The following CDCA2 variants were observed in gnomAD, a reference collection of about 807,000 sequenced individuals.
CDCA2 encodes the protein cell division cycle-associated protein 2.
CDCA2 carries 44 observed loss-of-function variants against 67.0 expected under a neutral mutation model. That is an observed-to-expected ratio of 0.66 (90% confidence interval 0.52 to 0.84). CDCA2 has a LOEUF of 0.84. CDCA2 is among the 40% of genes least tolerant of loss of function. The pLI, the probability that CDCA2 is intolerant of heterozygous loss-of-function variation, is 0.00. For synonymous variants in CDCA2, 447 were observed against 418.7 expected, an observed-to-expected ratio of 1.07 and a Z score of -0.82; for missense variants, 1,253 against 1,203.2, an observed-to-expected ratio of 1.04 and a Z score of -0.61.
intron 7 of CDCA2, among the ~76,000 whole-genome samples, chr8:25,479,402 G>A (rs1322750447): frequency 1.3e-5 from 2 of 152,176 alleles, no homozygotes; most frequent in Non-Finnish European, 2.9e-5. Context: ...TCTCCTGTGG[G>A]AAGAATTTGG....
intron 4 of CDCA2, among the ~76,000 whole-genome samples, chr8:25,465,473 T>A (rs528797202): frequency 7.7e-4 from 118 of 152,318 alleles, no homozygotes; most frequent in African/African-American, 2.7e-3. Flanking sequence ...TACTTGTCTT[T>A]AACTGGCACT....
chr8:25,497,015 C>T (rs896412335), intron 13 of CDCA2, among the ~76,000 whole-genome samples: 22 of 152,020 alleles, frequency 1.4e-4, no homozygotes, highest in African/African-American at 4.8e-4. Flanking sequence ...AAAAAACTCA[C>T]TGGCCCTAAG....
At position 25,484,017 on chromosome 8, in the gene CDCA2, A is replaced by G. The variant is rs1803668034; in HGVS notation, c.1172A>G (p.Lys391Arg). 1.2e-6 allele frequency: 2 copies of G among 1,614,152 alleles called. No individual in the cohort carries two copies. The highest frequency in any genetic ancestry group is 2.2e-5 in the East Asian group (1 of 44,886). ...APAFLNMRKR[K>R]RVTFGEDLSP... is the part of the protein sequence containing the mutation. ...GCCTTTCTAAATATGAGGAAGAGGAAGAGAGTTACTTTTGGAGAGGACTTA... is the reference window on the plus strand; with the variant it reads ...GCCTTTCTAAATATGAGGAAGAGGAGGAGAGTTACTTTTGGAGAGGACTTA... The change falls in exon 10 of 15, where the codon AAG (lysine) becomes AGG (arginine). Residue 391 changes from lysine to arginine, a missense_variant. By Grantham distance (26) the Lys-to-Arg change is conservative. Coordinates refer to ENST00000330560, the MANE Select transcript of CDCA2 (RefSeq NM_152562.4).
intron 6 of CDCA2, among the ~76,000 whole-genome samples, chr8:25,469,025 C>G (rs79283730): frequency 8.1e-4 from 123 of 152,346 alleles, no homozygotes; most frequent in Non-Finnish European, 1.5e-3. Flanking sequence ...AAAAATAATA[C>G]TACTGAAGAT....
chr8:25,503,332 T>C (rs1177529216), intron 13 of CDCA2, 41 bp from the exon 14 acceptor site: 3 of 1,473,196 alleles, frequency 2.0e-6, no homozygotes, highest in South Asian at 1.1e-5. Context: ...TACATGGTGC[T>C]ACATCTTTCT....
intron 14 of CDCA2, 76 bp downstream of exon 14, chr8:25,503,620 C>T: frequency 7.0e-7 from 1 of 1,421,490 alleles, no homozygotes; most frequent in Non-Finnish European, 9.6e-7. Context: ...ACTTTTTTCA[C>T]TTTTTTCCCA....
chr8:25,460,665 C>A (rs1403573430), intron 3 of CDCA2, 111 bp downstream of exon 3: 1 of 1,123,558 alleles, frequency 8.9e-7, no homozygotes, highest in Non-Finnish European at 1.3e-6. Flanking sequence ...ACCTAAATTG[C>A]CTACTCTGCA....
chr8:25,473,363 G>T (rs1323985884), intron 7 of CDCA2, among the ~76,000 whole-genome samples: 1 of 152,112 alleles, frequency 6.6e-6, no homozygotes, highest in Non-Finnish European at 1.5e-5. Flanking sequence ...AATTTTTACT[G>T]TGATATTGTG....
chr8:25,481,565 C>A (rs1262242506), intron 8 of CDCA2, among the ~76,000 whole-genome samples: 1 of 152,062 alleles, frequency 6.6e-6, no homozygotes, highest in East Asian at 1.9e-4. Flanking sequence ...TGGCGGGCAC[C>A]TGTAGTCCCA....
At chr8:25,468,190 C>G (rs377195766) in intron 5 of CDCA2, 27 bp from the exon 6 acceptor site, 6 of 1,254,436 alleles carry the variant, frequency 4.8e-6, no homozygotes, top group Admixed American at 2.4e-5. Context: ...ATGCCTGTGT[C>G]GTTTTGTTTT....
intron 7 of CDCA2, among the ~76,000 whole-genome samples, chr8:25,476,121 A>T (rs1037612066): frequency 6.6e-6 from 1 of 152,098 alleles, no homozygotes; most frequent in Non-Finnish European, 1.5e-5. Flanking sequence ...AGGTGTGTCA[A>T]CCTCACTCCC....
intron 6 of CDCA2, among the ~76,000 whole-genome samples, chr8:25,469,283 CAG>C (rs1408658629): frequency 1.3e-5 from 2 of 152,238 alleles, no homozygotes; most frequent in Non-Finnish European, 2.9e-5. Flanking sequence ...CTTCAGGCTC[CAG>C]TGGGTTTCCT....
At chr8:25,478,888 G>GTATATATATATA (rs71511103) in intron 7 of CDCA2, among the ~76,000 whole-genome samples, 94 of 111,592 alleles carry the variant, frequency 8.4e-4, no homozygotes, top group South Asian at 5.6e-3. Flanking sequence ...TTGTGTGTGT[G>GTATATATATATA]TATATATATA....
At chr8:25,505,750 G>A (rs1483933064) in intron 14 of CDCA2, among the ~76,000 whole-genome samples, 1 of 151,910 alleles carries the variant, frequency 6.6e-6, no homozygotes, top group East Asian at 1.9e-4. Flanking sequence ...ATCATCTGAG[G>A]TATCAAAAAA....
At chr8:25,480,734 T>TA (rs1803536804) in intron 8 of CDCA2, among the ~76,000 whole-genome samples, 1 of 152,194 alleles carries the variant, frequency 6.6e-6, no homozygotes, top group South Asian at 2.1e-4. Context: ...AGTCTGCTGT[T>TA]AAAATCCATG....
intron 13 of CDCA2, 55 bp from the exon 14 acceptor site, chr8:25,503,318 A>G: frequency 4.3e-6 from 6 of 1,405,338 alleles, no homozygotes; most frequent in Non-Finnish European, 6.0e-6. Context: ...AAGGGTCAAA[A>G]TTTTACATGG....
In CDCA2 at chr8:25,459,337, G is replaced by T. The variant is rs923434264; in HGVS notation, c.-137G>T. 1 of 152,406 alleles carries T rather than the reference G, an allele frequency of 6.6e-6. No individual in the cohort carries two copies. The highest frequency in any genetic ancestry group is 1.5e-5 in the Non-Finnish European group (1 of 68,200). 9.4% of individuals were successfully genotyped at this position (152,406 alleles called of 1,614,324 possible). A position where few individuals can be genotyped will look rare whatever the true frequency, so the allele number is the denominator to read the frequency against. On this transcript the variant is annotated 5_prime_UTR_variant, in exon 1 of 15. Transcript: ENST00000330560. Reference sequence around the variant, plus strand: ...CGGGTTCGAAGAGCGGCTCCCGGCTGCGGGTGCTTTGCCAGGAGAGCCCTT... The same window carrying T: ...CGGGTTCGAAGAGCGGCTCCCGGCTTCGGGTGCTTTGCCAGGAGAGCCCTT...
At chr8:25,501,753 CCTTTA>C (rs1804485808) in intron 13 of CDCA2, among the ~76,000 whole-genome samples, 1 of 152,188 alleles carries the variant, frequency 6.6e-6, no homozygotes, top group South Asian at 2.1e-4. Context: ...TATGGTCACT[CCTTTA>C]CTTTACACCA....
At chr8:25,483,855 T>G (rs1236464362) in intron 9 of CDCA2, 111 bp from the exon 10 acceptor site, 5 of 954,188 alleles carry the variant, frequency 5.2e-6, no homozygotes, top group Non-Finnish European at 7.8e-6. Context: ...TTACTAGCTA[T>G]TATACAAATA....
Sources: gnomAD v4.1 joint callset for allele counts (sites outside exome capture counted in the v4.1 genomes callset) on GRCh38, gnomAD v4.1.1 for gene constraint, MANE v1.5 for transcripts, NCBI Gene and HGNC (gene_info 2026-07-23, HGNC 2026-07-21) for gene names.